Variants in RNLS observed in about 807,000 individuals in gnomAD.
The protein encoded by RNLS is renalase.
RNLS carries 39 observed loss-of-function variants against 39.8 expected under a neutral mutation model. That is an observed-to-expected ratio of 0.98 (90% confidence interval 0.76 to 1.28). The LOEUF (loss-of-function observed/expected upper bound fraction) is 1.28. Ranked by LOEUF, RNLS falls within the 50% of genes most tolerant of loss-of-function variation. The probability of loss-of-function intolerance (pLI) is 0.00; values close to 1 mark genes in which losing one functional copy is unlikely to be tolerated. For synonymous variants in RNLS, 147 were observed against 150.7 expected, an observed-to-expected ratio of 0.98 and a Z score of 0.18; for missense variants, 410 against 413.3, an observed-to-expected ratio of 0.99 and a Z score of 0.07.
At chr10:88,544,696 G>C (rs1435562691) in intron 4 of RNLS, among the ~76,000 whole-genome samples, 1 of 152,118 alleles carries the variant, frequency 6.6e-6, no homozygotes, top group Non-Finnish European at 1.5e-5. Context: ...CTTTGGTTTT[G>C]AAATTACAAA....
At chr10:88,274,607 G>A (rs1842743763) in exon 7 of RNLS, 1 of 224,974 alleles carries the variant, frequency 4.4e-6, no homozygotes, top group Admixed American at 5.0e-5. Flanking sequence ...TGGACACTGG[G>A]TTGCTTCCAC....
chr10:88,525,915 C>T (rs1847075680), intron 4 of RNLS, among the ~76,000 whole-genome samples: 1 of 152,078 alleles, frequency 6.6e-6, no homozygotes, highest in East Asian at 1.9e-4. Flanking sequence ...GCCCAGGTCT[C>T]CTCAGCCCCT....
At chr10:88,188,213 C>T in the RNLS span, among the ~76,000 whole-genome samples, 2 of 152,142 alleles carry the variant, frequency 1.3e-5, no homozygotes, top group Admixed American at 1.3e-4. Flanking sequence ...TGGGCCACCA[C>T]ACCCAGCTAA....
At chr10:88,424,831 T>C (rs983349869) in intron 4 of RNLS, among the ~76,000 whole-genome samples, 2 of 152,132 alleles carry the variant, frequency 1.3e-5, no homozygotes, top group Non-Finnish European at 2.9e-5. Flanking sequence ...GTGTTCAGTA[T>C]AAAAGACAAC....
At chr10:88,336,230 T>C (rs1361360213) in intron 5 of RNLS, among the ~76,000 whole-genome samples, 2 of 152,260 alleles carry the variant, frequency 1.3e-5, no homozygotes, top group Non-Finnish European at 2.9e-5. Flanking sequence ...ACCTATTAGC[T>C]TCTTTTCTTC....
chr10:88,292,591 ACCTAGTTGC>A (rs1843749412), intron 6 of RNLS, among the ~76,000 whole-genome samples: 1 of 149,104 alleles, frequency 6.7e-6, no homozygotes, highest in South Asian at 2.1e-4. Flanking sequence ...AAAAAAAAAA[ACCTAGTTGC>A]AAAAGACTGT....
chr10:88,361,831 A>G (rs1445550481), intron 5 of RNLS, among the ~76,000 whole-genome samples: 2 of 152,190 alleles, frequency 1.3e-5, no homozygotes, highest in Non-Finnish European at 2.9e-5. Flanking sequence ...TACATCCTTA[A>G]CGGTTATTCC....
chr10:88,204,819 CA>C, the RNLS span, among the ~76,000 whole-genome samples: 2 of 151,600 alleles, frequency 1.3e-5, no homozygotes, highest in East Asian at 1.9e-4. Flanking sequence ...TTCTTTCCTT[CA>C]AAAAAAATGT....
chr10:88,473,788 C>T (rs1037014666), intron 4 of RNLS, among the ~76,000 whole-genome samples: 10 of 152,076 alleles, frequency 6.6e-5, no homozygotes, highest in Admixed American at 5.9e-4. Context: ...ATTGACAGGT[C>T]AGGGCTCAGT....
intron 4 of RNLS, among the ~76,000 whole-genome samples, chr10:88,401,402 A>T (rs181509259): frequency 6.6e-6 from 1 of 152,196 alleles, no homozygotes; most frequent in East Asian, 1.9e-4. Flanking sequence ...TAGCATTCAC[A>T]GCCTCAGAAT....
At chr10:88,196,748 C>A in the RNLS span, among the ~76,000 whole-genome samples, 2 of 152,214 alleles carry the variant, frequency 1.3e-5, no homozygotes, top group African/African-American at 4.8e-5. Flanking sequence ...GGGTGACCTG[C>A]AGACCCGTGG....
At chr10:88,193,503 C>A in the RNLS span, among the ~76,000 whole-genome samples, 2 of 152,154 alleles carry the variant, frequency 1.3e-5, no homozygotes, top group Non-Finnish European at 2.9e-5. Flanking sequence ...CCACCCTGTA[C>A]ATTTCTGCCT....
chr10:88,449,794 TATAAA>T (rs1842263840), intron 4 of RNLS, among the ~76,000 whole-genome samples: 1 of 152,128 alleles, frequency 6.6e-6, no homozygotes, highest in Admixed American at 6.5e-5. Flanking sequence ...AGCAAAATAT[TATAAA>T]ATAAAATATA....
intron 4 of RNLS, among the ~76,000 whole-genome samples, chr10:88,480,280 G>A (rs563975510): frequency 7.9e-5 from 12 of 152,264 alleles, no homozygotes; most frequent in Non-Finnish European, 1.5e-4. Context: ...CTGAATTTGA[G>A]AGGTTCTTCA....
intron 5 of RNLS, among the ~76,000 whole-genome samples, chr10:88,344,215 A>G (rs953408951): frequency 6.6e-6 from 1 of 152,174 alleles, no homozygotes; most frequent in African/African-American, 2.4e-5. Context: ...TAGCTGCTCA[A>G]ATGAGCAAAA....
At chr10:88,552,592 T>C (rs1434860059) in intron 4 of RNLS, among the ~76,000 whole-genome samples, 1 of 152,206 alleles carries the variant, frequency 6.6e-6, no homozygotes, top group East Asian at 1.9e-4. Flanking sequence ...AAATATTTTA[T>C]AAATCTATTG....
intron 4 of RNLS, among the ~76,000 whole-genome samples, chr10:88,424,630 A>C: frequency 6.6e-6 from 1 of 152,182 alleles, no homozygotes; most frequent in South Asian, 2.1e-4. Context: ...TCCTTTATGG[A>C]TATACAATCA....
At chr10:88,462,765 T>C (rs1029151220) in intron 4 of RNLS, among the ~76,000 whole-genome samples, 25 of 151,950 alleles carry the variant, frequency 1.6e-4, no homozygotes. Context: ...GAGATGGAAG[T>C]TGAGGATCAA....
At position 88,575,264 on chromosome 10, in the gene RNLS, A is replaced by G. The variant is rs572104128; in HGVS notation, c.368-2203T>C. On this transcript the variant is annotated intron_variant, in intron 3 of 6. Coordinates refer to ENST00000331772, the MANE Select transcript of RNLS (RefSeq NM_001031709.3). The stretch of plus-strand genomic sequence containing the variant: ...TATATATACACCAAGGTGTATATGT[A>G]TATGTGTGTGTGTGTGTGTATATAT... 6.0e-3 allele frequency among the ~76,000 whole-genome samples: 869 copies of G among 143,950 alleles called. 5 individuals are homozygous for G. The highest frequency in any genetic ancestry group is 0.01 in the Non-Finnish European group (674 of 66,664). 94.4% of individuals were successfully genotyped at this position (143,950 alleles called of 152,430 possible).
Sources: gnomAD v4.1 joint callset for allele counts (sites outside exome capture counted in the v4.1 genomes callset) on GRCh38, gnomAD v4.1.1 for gene constraint, MANE v1.5 for transcripts, NCBI Gene and HGNC (gene_info 2026-07-23, HGNC 2026-07-21) for gene names.